The following LIN52 variants were observed in gnomAD, a reference collection of about 807,000 sequenced individuals.
The protein encoded by LIN52 is lin-52 DREAM MuvB core complex component, also known as protein lin-52 homolog.
In LIN52, 4 loss-of-function variants were observed where a neutral mutation model predicts 18.5. That is an observed-to-expected ratio of 0.22 (90% confidence interval 0.11 to 0.49). The LOEUF is 0.49. LIN52 is among the 20% of genes least tolerant of loss of function. LIN52 has a pLI of 0.97. For synonymous variants in LIN52, 34 were observed against 45.5 expected (o/e 0.75, Z 1.02); for missense variants, 102 against 139.5 (o/e 0.73, Z 1.35).
intron 5 of LIN52, among the ~76,000 whole-genome samples, chr14:74,164,761 C>G (rs1171700698): frequency 6.6e-6 from 1 of 152,130 alleles, no homozygotes; most frequent in African/African-American, 2.4e-5. Flanking sequence ...ACAGCCTGAT[C>G]ACACTGTAGC....
At chr14:74,122,003 CTCATAT>C (rs59918437) in intron 5 of LIN52, among the ~76,000 whole-genome samples, 2,393 of 140,242 alleles carry the variant, frequency 0.017, 58 homozygotes, top group African/African-American at 0.061. Flanking sequence ...TAACAATATT[CTCATAT>C]TCCCATGAGA....
rs575557014 is a variant in LIN52 at position 74,151,553 on chromosome 14, A to G, written c.284-47369A>G. The stretch of plus-strand genomic sequence containing the variant: ...GTCTGTTTTTGCTGGTTATTTTAAT[A>G]TAAATCAAATGCTATTTGAATAGAT... On this transcript the variant is annotated intron_variant, in intron 5 of 5. Transcript: ENST00000555028. Among the ~76,000 whole-genome samples, 7 of 152,382 alleles carry G rather than the reference A, an allele frequency of 4.6e-5. No individual in the cohort carries two copies. In the South Asian group the frequency reaches 1.2e-3, roughly 27 times the overall value.
chr14:74,153,466 A>G (rs2061185606), intron 5 of LIN52, among the ~76,000 whole-genome samples: 1 of 152,090 alleles, frequency 6.6e-6, no homozygotes, highest in South Asian at 2.1e-4. Flanking sequence ...TAGGTTAAAA[A>G]TAAATAAGTA....
At chr14:74,095,089 C>T (rs2060799592) in intron 2 of LIN52, among the ~76,000 whole-genome samples, 1 of 151,918 alleles carries the variant, frequency 6.6e-6, no homozygotes, top group Non-Finnish European at 1.5e-5. Flanking sequence ...AAGCCATCCT[C>T]CTGCCTCAGC....
chr14:74,121,766 C>G (rs1321169962), intron 5 of LIN52, among the ~76,000 whole-genome samples: 3 of 149,878 alleles, frequency 2.0e-5, no homozygotes, highest in Non-Finnish European at 4.4e-5. Flanking sequence ...CTCCGTCACC[C>G]AGGCTGGGGT....
chr14:74,130,295 T>TTTTTTTTC (rs1315000657), intron 5 of LIN52, among the ~76,000 whole-genome samples: 2 of 140,278 alleles, frequency 1.4e-5, no homozygotes, highest in Non-Finnish European at 3.1e-5. Flanking sequence ...TTTTTTTTTT[T>TTTTTTTTC]TGAGACAGTC....
At chr14:74,178,149 A>G (rs1223129758) in intron 5 of LIN52, among the ~76,000 whole-genome samples, 3 of 152,216 alleles carry the variant, frequency 2.0e-5, no homozygotes, top group Non-Finnish European at 4.4e-5. Flanking sequence ...TTTGCGAGAA[A>G]GAATCTATAC....
intron 5 of LIN52, among the ~76,000 whole-genome samples, chr14:74,161,585 A>G (rs1440283702): frequency 6.6e-6 from 1 of 152,276 alleles, no homozygotes; most frequent in Non-Finnish European, 1.5e-5. Context: ...GGTAGCAGAA[A>G]GCTGCTAACC....
chr14:74,106,574 G>C (rs145060394), intron 5 of LIN52, among the ~76,000 whole-genome samples: 121 of 152,020 alleles, frequency 8.0e-4, no homozygotes, highest in South Asian at 2.9e-3. Context: ...GCCTACCCCA[G>C]CCTGATTTAT....
chr14:74,182,454 G>A (rs10150201), intron 5 of LIN52, among the ~76,000 whole-genome samples: 91,586 of 151,876 alleles, frequency 0.6, 28,673 homozygotes, highest in Admixed American at 0.68. Flanking sequence ...CAAATTATCA[G>A]TTAAATTATC....
At chr14:74,104,649 G>A (rs1229514602) in intron 5 of LIN52, among the ~76,000 whole-genome samples, 1 of 150,600 alleles carries the variant, frequency 6.6e-6, no homozygotes, top group African/African-American at 2.5e-5. Context: ...TACATTATGT[G>A]TGCTGGTCTT....
chr14:74,168,512 C>G (rs920012567), intron 5 of LIN52, among the ~76,000 whole-genome samples: 4 of 151,454 alleles, frequency 2.6e-5, no homozygotes, highest in African/African-American at 9.7e-5. Context: ...ACTAAAAATA[C>G]AAAAAATTAG....
intron 5 of LIN52, among the ~76,000 whole-genome samples, chr14:74,142,086 CTCAG>C (rs2061133878): frequency 6.6e-6 from 1 of 152,146 alleles, no homozygotes; most frequent in Non-Finnish European, 1.5e-5. Context: ...CAGTTGTCTT[CTCAG>C]TCAAACAGAA....
chr14:74,181,801 A>G (rs1383726077), intron 5 of LIN52, among the ~76,000 whole-genome samples: 1 of 152,202 alleles, frequency 6.6e-6, no homozygotes, highest in African/African-American at 2.4e-5. Flanking sequence ...ACTAGCGGTT[A>G]TTTCTAATCA....
chr14:74,174,813 C>T (rs1395665963), intron 5 of LIN52: 2 of 150,640 alleles, frequency 1.3e-5, no homozygotes, highest in Non-Finnish European at 3.0e-5. Flanking sequence ...TACACCTAGC[C>T]TGGGCAACAT....
chr14:74,181,888 A>G (rs1327764260), intron 5 of LIN52, among the ~76,000 whole-genome samples: 1 of 152,230 alleles, frequency 6.6e-6, no homozygotes, highest in Non-Finnish European at 1.5e-5. Flanking sequence ...GTGGTTTTGA[A>G]ACAAATTCAT....
intron 5 of LIN52, among the ~76,000 whole-genome samples, chr14:74,171,009 C>T (rs112928964): frequency 4.8e-5 from 7 of 144,780 alleles, no homozygotes; most frequent in African/African-American, 1.6e-4. Flanking sequence ...AGTGAGACTC[C>T]GTCTGTACCA....
At chr14:74,176,918 T>C (rs1423377366) in intron 5 of LIN52, among the ~76,000 whole-genome samples, 6 of 152,226 alleles carry the variant, frequency 3.9e-5, no homozygotes, top group Non-Finnish European at 7.3e-5. Flanking sequence ...TTTTATTTCA[T>C]TTTATTGCCA....
chr14:74,176,437 T>C (rs570896051), intron 5 of LIN52, among the ~76,000 whole-genome samples: 2 of 152,184 alleles, frequency 1.3e-5, no homozygotes, highest in African/African-American at 4.8e-5. Context: ...TTTTAATAAG[T>C]AGAAGTACTT....
Sources: allele counts gnomAD v4.1 joint callset (sites outside exome capture counted in the v4.1 genomes callset), GRCh38; gene constraint gnomAD v4.1.1; transcripts MANE v1.5; gene names NCBI Gene and HGNC (gene_info 2026-07-23, HGNC 2026-07-21).